Variants in WFDC13 observed in about 807,000 individuals in gnomAD.
The protein encoded by WFDC13 is WAP four-disulfide core domain 13, also known as WAP four-disulfide core domain protein 13.
WFDC13 carries 6 observed loss-of-function variants against 10.9 expected under a neutral mutation model. The observed-to-expected ratio is 0.55, with a 90% CI of 0.30 to 1.09. The LOEUF (loss-of-function observed/expected upper bound fraction) is 1.09. WFDC13 is among the 50% of genes least tolerant of loss of function. The pLI, the probability that WFDC13 is intolerant of heterozygous loss-of-function variation, is 0.06. For synonymous variants in WFDC13, 38 were observed against 39.5 expected, an observed-to-expected ratio of 0.96 and a Z score of 0.14; for missense variants, 104 against 109.6, an observed-to-expected ratio of 0.95 and a Z score of 0.23.
rs1432790448 is a variant in WFDC13, at chr20:45,708,725, CATG to C, written c.*893_*895del. 1 of 152,138 alleles carries C rather than the reference CATG, an allele frequency of 6.6e-6. No homozygotes were observed. The highest frequency in any genetic ancestry group is 1.5e-5 in the Non-Finnish European group (1 of 68,028). The allele number at this position is 152,138 out of a possible 1,614,324, so 9.4% of individuals were successfully genotyped here. ...AATAAAGTGTTATTTTCCTGGGATT[CATG>C]ATATTTGATATATTCGTAAGCTTTT... On this transcript the variant is annotated 3_prime_UTR_variant, in exon 4 of 4. Transcript: ENST00000305479.
At chr20:45,704,158 C>G (rs1215683909) in intron 1 of WFDC13, among the ~76,000 whole-genome samples, 1 of 152,206 alleles carries the variant, frequency 6.6e-6, no homozygotes, top group Non-Finnish European at 1.5e-5. Flanking sequence ...TGGACACAAC[C>G]ATAGTCAATG....
At chr20:45,704,377 T>C in intron 1 of WFDC13, 67 bp from the exon 2 acceptor site, 1 of 1,542,832 alleles carries the variant, frequency 6.5e-7, no homozygotes, top group South Asian at 1.3e-5. Context: ...TTCCCTGGGC[T>C]TTCTGAGTTC....
At chr20:45,704,874 C>A (rs1343197693) in intron 2 of WFDC13, 2 of 1,596,778 alleles carry the variant, frequency 1.3e-6, no homozygotes, top group South Asian at 1.1e-5. Context: ...ATCCACAGAC[C>A]TTCCCCCGAC....
chr20:45,707,551 A>AT (rs1269739508), intron 3 of WFDC13, among the ~76,000 whole-genome samples: 4 of 152,374 alleles, frequency 2.6e-5, no homozygotes, highest in Non-Finnish European at 5.9e-5. Context: ...AGTAGCTACC[A>AT]TATTACACAT....
intron 3 of WFDC13, 33 bp downstream of exon 3, chr20:45,705,960 T>C (rs1984373860): frequency 3.2e-6 from 5 of 1,576,846 alleles, no homozygotes; most frequent in Non-Finnish European, 2.6e-6. Context: ...GCCTTCCTCA[T>C]GTGAGATTCC....
chr20:45,704,661 T>C, intron 2 of WFDC13, 67 bp downstream of exon 2: 2 of 1,573,596 alleles, frequency 1.3e-6, no homozygotes, highest in South Asian at 2.4e-5. Flanking sequence ...GAAGAGTCCC[T>C]TACCAGCAAC....
At chr20:45,704,334 C>T in intron 1 of WFDC13, 110 bp from the exon 2 acceptor site, 1 of 1,436,582 alleles carries the variant, frequency 7.0e-7, no homozygotes. Flanking sequence ...TGGAACCATG[C>T]AAGGCAGATG....
At chr20:45,706,058 C>T (rs1715663104) in intron 3 of WFDC13, 131 bp downstream of exon 3, 1 of 736,632 alleles carries the variant, frequency 1.4e-6, no homozygotes, top group Non-Finnish European at 2.3e-6. Flanking sequence ...TGATTGCCTC[C>T]TCCTCCATCA....
rs1251735426 is a variant in WFDC13, at chr20:45,708,751, TTTG to T, written c.*919_*921del. The T allele has an allele frequency of 6.6e-6, 1 of 152,236 alleles. No homozygotes were observed. The highest frequency in any genetic ancestry group is 2.4e-5 in the African/African-American group (1 of 41,470). The allele number at this position is 152,236 out of a possible 1,614,324, so 9.4% of individuals were successfully genotyped here. On this transcript the variant is annotated 3_prime_UTR_variant, in exon 4 of 4. Coordinates refer to ENST00000305479, the MANE Select transcript of WFDC13 (RefSeq NM_172005.2). ...ATGATATTTGATATATTCGTAAGCT[TTTG>T]TTAAGTTTGTAATTTGTTGCAATTT...
chr20:45,708,121 CTG>C lies in WFDC13; in HGVS notation c.*293_*294del, dbSNP rs1185096503. Reference sequence around the variant, plus strand: ...GCAGCACTGTTCCAGTCCAGGGATGCTGTGTGTGCCCTGGTGGTGGTCTTAAG... The same window carrying C: ...GCAGCACTGTTCCAGTCCAGGGATGCTGTGTGCCCTGGTGGTGGTCTTAAG... On this transcript the variant is annotated 3_prime_UTR_variant, in exon 4 of 4. Coordinates refer to ENST00000305479, the MANE Select transcript of WFDC13 (RefSeq NM_172005.2). 6.6e-6 allele frequency: 1 copy of C among 152,180 alleles called. No individual in the cohort carries two copies. The highest frequency in any genetic ancestry group is 2.4e-5 in the African/African-American group (1 of 41,440). 9.4% of individuals were successfully genotyped at this position (152,180 alleles called of 1,614,324 possible).
At chr20:45,702,339 T>C in intron 1 of WFDC13, 128 bp downstream of exon 1, 1 of 958,398 alleles carries the variant, frequency 1.0e-6, no homozygotes, top group Non-Finnish European at 1.6e-6. Flanking sequence ...GCTTTATTGT[T>C]GGCAAGATCT....
chr20:45,706,001 A>AC, intron 3 of WFDC13, 74 bp downstream of exon 3: 3 of 1,275,614 alleles, frequency 2.4e-6, no homozygotes, highest in Non-Finnish European at 3.4e-6. Context: ...CTGTAGCCTC[A>AC]CCAGGGGCAC....
chr20:45,705,998 C>A, intron 3 of WFDC13, 71 bp downstream of exon 3: 6 of 1,330,242 alleles, frequency 4.5e-6, no homozygotes, highest in Non-Finnish European at 6.4e-6. Context: ...TTCCTGTAGC[C>A]TCACCAGGGG....
At chr20:45,702,787 C>T (rs748539851) in intron 1 of WFDC13, among the ~76,000 whole-genome samples, 8 of 152,200 alleles carry the variant, frequency 5.3e-5, no homozygotes, top group Non-Finnish European at 1.0e-4. Flanking sequence ...CCACCACTGC[C>T]CAGCTCAACT....
intron 1 of WFDC13, among the ~76,000 whole-genome samples, chr20:45,703,711 TG>T (rs1984270268): frequency 2.0e-5 from 3 of 152,048 alleles, no homozygotes; most frequent in Admixed American, 1.3e-4. Flanking sequence ...CTGAAATACT[TG>T]GGGGTAGGGG....
intron 3 of WFDC13, 74 bp downstream of exon 3, chr20:45,706,001 AC>A: frequency 7.8e-7 from 1 of 1,275,612 alleles, no homozygotes; most frequent in East Asian, 2.3e-5. Flanking sequence ...CTGTAGCCTC[AC>A]CAGGGGCACT....
At position 45,702,132 on chromosome 20, in the gene WFDC13, T is replaced by C. The variant is rs1028908608; in HGVS notation, c.9T>C (p.Pro3=). Residue 3 remains proline, a synonymous_variant, in exon 1 of 4, where the codon CCT becomes CCC. Transcript: ENST00000305479. ...CCCATCCCACTGACACCATGAAGCC[T>C]GTGCTGCCTCTCCAGTTCCTGGTGG... MK[P]VLPLQFLVVF... The C allele has an allele frequency of 6.2e-7, 1 of 1,613,042 alleles. No homozygotes were observed. Among genetic ancestry groups the C allele is most frequent in the South Asian group, 1.1e-5 (1 of 90,718 alleles).
In WFDC13 at chr20:45,702,884, T is replaced by C. The variant is rs551944934; in HGVS notation, c.88+673T>C. On this transcript the variant is annotated intron_variant, in intron 1 of 3. Transcript: ENST00000305479. ...TATTCATCATACATCCACTCTTCTATGGGGAAAACATCTTCAGAATACTGG... is the reference window on the plus strand; with the variant it reads ...TATTCATCATACATCCACTCTTCTACGGGGAAAACATCTTCAGAATACTGG... Among the ~76,000 whole-genome samples the C allele has an allele frequency of 1.2e-3, 186 of 152,260 alleles. 2 individuals are homozygous for C. The highest frequency in any genetic ancestry group is 3.5e-3 in the African/African-American group (144 of 41,544).
At chr20:45,704,006 C>T (rs397522) in intron 1 of WFDC13, among the ~76,000 whole-genome samples, 9,138 of 152,196 alleles carry the variant, frequency 0.06, 514 homozygotes, top group African/African-American at 0.13. Flanking sequence ...ACACAAATAA[C>T]CCATGTTAGG....
Sources: allele counts gnomAD v4.1 joint callset (sites outside exome capture counted in the v4.1 genomes callset), GRCh38; gene constraint gnomAD v4.1.1; transcripts MANE v1.5; gene names NCBI Gene and HGNC (gene_info 2026-07-23, HGNC 2026-07-21).